Variants in MAML3 observed in about 807,000 individuals in gnomAD.
The protein encoded by MAML3 is mastermind-like protein 3.
In MAML3, 27 loss-of-function variants were observed where a neutral mutation model predicts 101.9. The ratio of observed to expected loss-of-function variants is 0.27; its 90% CI spans 0.20 to 0.37. The LOEUF (loss-of-function observed/expected upper bound fraction) is 0.37, where lower values mean the gene tolerates loss of function less well. Ranked by LOEUF, MAML3 falls within the 10% of genes least tolerant of loss-of-function variation. The pLI, the probability that MAML3 is intolerant of heterozygous loss-of-function variation, is 1.00. For missense variants in MAML3, 1,316 were observed against 1,444.9 expected (o/e 0.91, Z 1.45); for synonymous variants, 501 against 555.9 (o/e 0.90, Z 1.39).
intron 1 of MAML3, among the ~76,000 whole-genome samples, chr4:140,078,444 A>G (rs1727811551): frequency 6.6e-6 from 1 of 152,192 alleles, no homozygotes; most frequent in Non-Finnish European, 1.5e-5. Context: ...ACAAGAGCTC[A>G]GGGCTGTTAA....
At chr4:139,864,267 C>G (rs1451936356) in intron 2 of MAML3, among the ~76,000 whole-genome samples, 1 of 152,162 alleles carries the variant, frequency 6.6e-6, no homozygotes, top group Non-Finnish European at 1.5e-5. Context: ...CATGGTGTGG[C>G]TCATTCACAA....
intron 2 of MAML3, among the ~76,000 whole-genome samples, chr4:139,752,941 G>C (rs1729547950): frequency 6.6e-6 from 1 of 152,174 alleles, no homozygotes; most frequent in African/African-American, 2.4e-5. Context: ...GGTCTTTGCA[G>C]GCTGGGGTGA....
At chr4:140,001,333 A>G (rs888144190) in intron 1 of MAML3, among the ~76,000 whole-genome samples, 2 of 152,230 alleles carry the variant, frequency 1.3e-5, no homozygotes, top group Non-Finnish European at 2.9e-5. Context: ...TATCCCATAT[A>G]TCCTGATAAC....
intron 1 of MAML3, among the ~76,000 whole-genome samples, chr4:140,062,184 T>A (rs959722084): frequency 3.9e-5 from 6 of 152,146 alleles, no homozygotes; most frequent in African/African-American, 9.7e-5. Context: ...AAGGTTTTTT[T>A]AAAAAATTAT....
intron 1 of MAML3, among the ~76,000 whole-genome samples, chr4:140,014,097 A>G (rs1039821356): frequency 2.0e-5 from 3 of 152,200 alleles, no homozygotes; most frequent in East Asian, 1.9e-4. Context: ...AATTGGCCTT[A>G]TATATTTCAC....
At chr4:139,793,332 C>T (rs1730452664) in intron 2 of MAML3, among the ~76,000 whole-genome samples, 1 of 152,300 alleles carries the variant, frequency 6.6e-6, no homozygotes, top group South Asian at 2.1e-4. Context: ...TATGCACTTT[C>T]TCCCTCTTAG....
intron 2 of MAML3, among the ~76,000 whole-genome samples, chr4:139,788,938 T>C (rs915951072): frequency 6.6e-6 from 1 of 152,218 alleles, no homozygotes; most frequent in Non-Finnish European, 1.5e-5. Context: ...AAATAAACTA[T>C]GCTGTTTAAA....
Position 139,890,751 on chromosome 4 carries a change from A to G in MAML3, c.685T>C (p.Leu229=), listed in dbSNP as rs772980219. The change falls in exon 2 of 5, where the codon TTG becomes CTG. Residue 229 remains leucine, a synonymous_variant. Transcript: ENST00000509479. This position sits in a 1 kb window ranked among gnomAD's most constrained non-coding sequence, Gnocchi z 4.1. The stretch of plus-strand genomic sequence containing the variant: ...GGAGTGTGAGTTCCACTGTTCTGCA[A>G]GGGCAAAGAAGGTTTCAGGTCAAGT... The part of the protein sequence containing the change: ...HQLDLKPSLP[L]QNSGTHTPGL... 12 of 1,613,934 alleles carry G rather than the reference A, an allele frequency of 7.4e-6. No homozygotes were observed. The highest frequency in any genetic ancestry group is 1.0e-5 in the Non-Finnish European group (12 of 1,179,908).
chr4:140,044,171 C>T (rs1426379780), intron 1 of MAML3, among the ~76,000 whole-genome samples: 3 of 151,182 alleles, frequency 2.0e-5, no homozygotes, highest in African/African-American at 7.3e-5. Context: ...TCAATGAGGG[C>T]TATGGGCCCG....
At chr4:139,866,322 C>A (rs929243756) in intron 2 of MAML3, among the ~76,000 whole-genome samples, 2 of 152,198 alleles carry the variant, frequency 1.3e-5, no homozygotes, top group African/African-American at 4.8e-5. Context: ...CCTCACCCAG[C>A]GATTTTCCTG....
chr4:139,852,240 G>A (rs1204154714), intron 2 of MAML3, among the ~76,000 whole-genome samples: 2 of 152,066 alleles, frequency 1.3e-5, no homozygotes, highest in Admixed American at 6.6e-5. Flanking sequence ...TTGGGGGTAA[G>A]TTTCTTGGTT....
chr4:139,759,393 C>T (rs901468961), intron 2 of MAML3, among the ~76,000 whole-genome samples: 2 of 152,216 alleles, frequency 1.3e-5, no homozygotes, highest in African/African-American at 4.8e-5. Context: ...TGGCAGGGAA[C>T]TCCTGCTTCC....
At chr4:139,928,346 G>T (rs1733308799) in intron 1 of MAML3, among the ~76,000 whole-genome samples, 1 of 152,202 alleles carries the variant, frequency 6.6e-6, no homozygotes, top group South Asian at 2.1e-4. Flanking sequence ...CTCTGGAGTA[G>T]AACTCTGGGT....
intron 2 of MAML3, among the ~76,000 whole-genome samples, chr4:139,790,337 T>C (rs1730386259): frequency 6.7e-6 from 1 of 148,816 alleles, no homozygotes; most frequent in Admixed American, 6.7e-5. Flanking sequence ...ATTTCCTGAG[T>C]AATCTTTCTT....
intron 1 of MAML3, among the ~76,000 whole-genome samples, chr4:140,074,326 T>G (rs1162691317): frequency 6.6e-6 from 1 of 152,086 alleles, no homozygotes; most frequent in Non-Finnish European, 1.5e-5. Context: ...GCTTCTTCCT[T>G]CCTTGTACCT....
chr4:139,846,915 G>T (rs970662976), intron 2 of MAML3, among the ~76,000 whole-genome samples: 3 of 152,156 alleles, frequency 2.0e-5, no homozygotes, highest in Non-Finnish European at 4.4e-5. Context: ...GCACAAAGGT[G>T]GGGAAAACCC....
chr4:139,881,857 C>T (rs944839627), intron 2 of MAML3, among the ~76,000 whole-genome samples: 3 of 152,140 alleles, frequency 2.0e-5, no homozygotes, highest in African/African-American at 2.4e-5. Flanking sequence ...TGCATCACCA[C>T]GCTCGGCTAA....
intron 1 of MAML3, among the ~76,000 whole-genome samples, chr4:140,004,041 G>A (rs1265007281): frequency 6.6e-6 from 1 of 152,226 alleles, no homozygotes; most frequent in Non-Finnish European, 1.5e-5. Context: ...ACTGCACACA[G>A]GCACTTTAAG....
intron 1 of MAML3, among the ~76,000 whole-genome samples, chr4:140,063,287 A>G (rs1727477477): frequency 6.6e-6 from 1 of 152,238 alleles, no homozygotes; most frequent in Non-Finnish European, 1.5e-5. Flanking sequence ...CAGAGAGGGA[A>G]TGAAAGCCAC....
Sources: allele counts gnomAD v4.1 joint callset (sites outside exome capture counted in the v4.1 genomes callset), GRCh38; gene constraint gnomAD v4.1.1; non-coding constraint Gnocchi (gnomAD v3.1); transcripts MANE v1.5; gene names NCBI Gene and HGNC (gene_info 2026-07-23, HGNC 2026-07-21).